Variants in GALNT13 observed in about 807,000 individuals in gnomAD.
GALNT13 encodes the protein polypeptide N-acetylgalactosaminyltransferase 13.
A neutral mutation model predicts 64.2 loss-of-function variants in GALNT13; 28 were observed. The observed-to-expected ratio is 0.44, with a 90% CI of 0.32 to 0.60. GALNT13 has a LOEUF of 0.60. Among genes scored for constraint, GALNT13 ranks in the 20% least tolerant of loss-of-function variants. The probability of loss-of-function intolerance (pLI) is 0.05; values close to 1 mark genes in which losing one functional copy is unlikely to be tolerated. For missense variants in GALNT13, 577 were observed against 669.8 expected (o/e 0.86, Z 1.53); for synonymous variants, 214 against 224.6 (o/e 0.95, Z 0.42).
intron 4 of GALNT13, among the ~76,000 whole-genome samples, chr2:154,183,049 A>G (rs1021904355): frequency 1.3e-5 from 2 of 152,086 alleles, no homozygotes; most frequent in African/African-American, 4.8e-5. Flanking sequence ...TTGTGGAATG[A>G]GTTTAGAATT....
chr2:153,562,239 T>C, the GALNT13 span, among the ~76,000 whole-genome samples: 1 of 152,142 alleles, frequency 6.6e-6, no homozygotes. Context: ...GCCTGTGCTT[T>C]TTTCCTAATA....
intron 8 of GALNT13, among the ~76,000 whole-genome samples, chr2:154,275,347 G>A (rs142902601): frequency 4.6e-5 from 7 of 152,260 alleles, no homozygotes; most frequent in African/African-American, 1.7e-4. Context: ...AGGAAAAATA[G>A]TTTAGTGAGT....
intron 7 of GALNT13, among the ~76,000 whole-genome samples, chr2:154,247,398 G>A (rs1260040475): frequency 4.6e-5 from 7 of 151,908 alleles, no homozygotes; most frequent in African/African-American, 7.2e-5. Flanking sequence ...TTTAGATTCC[G>A]AGTGAAAACT....
At chr2:153,962,800 T>G (rs1346705680) in intron 3 of GALNT13, among the ~76,000 whole-genome samples, 1 of 152,146 alleles carries the variant, frequency 6.6e-6, no homozygotes, top group Non-Finnish European at 1.5e-5. Context: ...GGCAGCCCAT[T>G]CCTCCACTTG....
chr2:153,219,006 C>T, the GALNT13 span, among the ~76,000 whole-genome samples: 1 of 152,142 alleles, frequency 6.6e-6, no homozygotes, highest in Non-Finnish European at 1.5e-5. Flanking sequence ...CAAGTAAAAA[C>T]CATAAGTATG....
At chr2:153,374,628 A>C in the GALNT13 span, among the ~76,000 whole-genome samples, 79,790 of 151,606 alleles carry the variant, frequency 0.53, 21,808 homozygotes, top group Non-Finnish European at 0.6. Flanking sequence ...AGCTTTTATG[A>C]TATAAGAGAA....
intron 1 of GALNT13, among the ~76,000 whole-genome samples, chr2:153,884,687 G>T (rs1402911288): frequency 6.7e-6 from 1 of 150,288 alleles, no homozygotes; most frequent in East Asian, 2.0e-4. Context: ...TGGAGGCTGA[G>T]GTGGGCGGAT....
the GALNT13 span, among the ~76,000 whole-genome samples, chr2:153,443,797 C>T: frequency 6.6e-6 from 1 of 152,200 alleles, no homozygotes; most frequent in African/African-American, 2.4e-5. Flanking sequence ...ATGGTGGGCT[C>T]CTGTAATTCC....
chr2:154,280,977 G>A (rs1330706796), intron 8 of GALNT13, among the ~76,000 whole-genome samples: 1 of 151,916 alleles, frequency 6.6e-6, no homozygotes, highest in Non-Finnish European at 1.5e-5. Flanking sequence ...TATACAACGA[G>A]GAAAACAAAA....
the GALNT13 span, among the ~76,000 whole-genome samples, chr2:153,072,019 A>G: frequency 6.6e-6 from 1 of 152,158 alleles, no homozygotes; most frequent in Admixed American, 6.5e-5. Flanking sequence ...AAACAGCTGG[A>G]ATAATTTAAA....
chr2:153,732,154 A>C, the GALNT13 span, among the ~76,000 whole-genome samples: 1 of 151,980 alleles, frequency 6.6e-6, no homozygotes, highest in African/African-American at 2.4e-5. Flanking sequence ...GTTATATGTA[A>C]ATTTAGATAA....
chr2:154,047,939 A>G (rs765528395), intron 3 of GALNT13, among the ~76,000 whole-genome samples: 9 of 152,120 alleles, frequency 5.9e-5, no homozygotes, highest in Non-Finnish European at 1.3e-4. Context: ...GTGTCTCTAG[A>G]TGTATTCATC....
At chr2:153,792,803 G>T in the GALNT13 span, among the ~76,000 whole-genome samples, 36 of 151,924 alleles carry the variant, frequency 2.4e-4, no homozygotes, top group African/African-American at 8.0e-4. Context: ...ATATTCTTAA[G>T]GCATTTGATT....
chr2:153,129,689 G>C, the GALNT13 span, among the ~76,000 whole-genome samples: 1 of 151,964 alleles, frequency 6.6e-6, no homozygotes, highest in Non-Finnish European at 1.5e-5. Flanking sequence ...AGAATTGCTT[G>C]AACTAGGGAG....
chr2:154,375,398 T>C (rs144783329), intron 9 of GALNT13, among the ~76,000 whole-genome samples: 1 of 152,158 alleles, frequency 6.6e-6, no homozygotes, highest in Non-Finnish European at 1.5e-5. Context: ...CACTTTAGCA[T>C]CACCCTCCGG....
chr2:153,576,149 C>G, the GALNT13 span, among the ~76,000 whole-genome samples: 2 of 150,354 alleles, frequency 1.3e-5, no homozygotes, highest in Admixed American at 1.3e-4. Flanking sequence ...ATGCCCTCCC[C>G]ACTCTTTCCT....
chr2:153,458,022 T>C, the GALNT13 span, among the ~76,000 whole-genome samples: 6 of 152,168 alleles, frequency 3.9e-5, no homozygotes, highest in African/African-American at 1.4e-4. Flanking sequence ...CAAACGGCTC[T>C]TTTTGTTTCA....
chr2:154,205,585 C>G (rs1045457880), intron 4 of GALNT13, among the ~76,000 whole-genome samples: 1 of 152,106 alleles, frequency 6.6e-6, no homozygotes, highest in Non-Finnish European at 1.5e-5. Context: ...GGACAACTTA[C>G]AAAAGAAAGA....
chr2:153,112,963 A>G, the GALNT13 span, among the ~76,000 whole-genome samples: 1 of 152,090 alleles, frequency 6.6e-6, no homozygotes, highest in Non-Finnish European at 1.5e-5. Flanking sequence ...AAAATTGCAG[A>G]CAGAAATGAG....
Sources: allele counts gnomAD v4.1 joint callset (sites outside exome capture counted in the v4.1 genomes callset), GRCh38; gene constraint gnomAD v4.1.1; transcripts MANE v1.5; gene names NCBI Gene and HGNC (gene_info 2026-07-23, HGNC 2026-07-21).